Variants in ERAP1 observed in about 807,000 individuals in gnomAD.
ERAP1 encodes the protein adipocyte-derived leucine aminopeptidase.
Under a neutral mutation model 103.7 loss-of-function variants are expected in ERAP1, and 86 were observed. The ratio of observed to expected loss-of-function variants is 0.83; its 90% CI spans 0.70 to 0.99. The LOEUF (loss-of-function observed/expected upper bound fraction) is 0.99, where lower values mean the gene tolerates loss of function less well. Ranked by LOEUF, ERAP1 falls within the 50% of genes least tolerant of loss-of-function variation. The pLI is 0.00. For synonymous variants in ERAP1, 398 were observed against 402.4 expected (o/e 0.99, Z 0.13); for missense variants, 1,009 against 1,128.4 (o/e 0.89, Z 1.52).
chr5:96,864,526 A>T, the ERAP1 span, among the ~76,000 whole-genome samples: 1 of 152,202 alleles, frequency 6.6e-6, no homozygotes, highest in Admixed American at 6.5e-5. Context: ...AAAAAAAAAT[A>T]CACAGATATA....
At chr5:96,789,707 T>A (rs1437560012) in intron 10 of ERAP1, among the ~76,000 whole-genome samples, 2 of 152,204 alleles carry the variant, frequency 1.3e-5, no homozygotes, top group African/African-American at 4.8e-5. Context: ...TGTGACTTGA[T>A]GTTATGAATA....
At chr5:96,867,829 T>G in the ERAP1 span, among the ~76,000 whole-genome samples, 17 of 152,258 alleles carry the variant, frequency 1.1e-4, no homozygotes, top group African/African-American at 3.6e-4. Flanking sequence ...ATCCCATCAC[T>G]TTGGGAGGCT....
chr5:96,802,074 T>C (rs1244351552), intron 2 of ERAP1, among the ~76,000 whole-genome samples: 6 of 152,028 alleles, frequency 3.9e-5, no homozygotes, highest in African/African-American at 1.4e-4. Context: ...ATATACACTA[T>C]TGGTGAGGGG....
the ERAP1 span, among the ~76,000 whole-genome samples, chr5:96,850,985 C>T: frequency 6.6e-6 from 1 of 152,142 alleles, no homozygotes; most frequent in Non-Finnish European, 1.5e-5. Context: ...GACTTAATAA[C>T]AGAGGTTGGG....
In ERAP1 at chr5:96,780,482, T is replaced by C; in HGVS notation, c.2611A>G (p.Ile871Val). ...VQKFELGSSS[I>V]AHMVMGTTNQ... The stretch of plus-strand genomic sequence containing the variant: ...GTTGTACCCATTACCATGTGGGCTA[T>C]GGAAGATGAGCCAAGTTCAAACCTA... Residue 871 changes from isoleucine to valine, a missense_variant, in exon 18 of 19, where the codon ATA becomes GTA. Physicochemically the swap from Ile to Val is conservative, Grantham distance 29. Coordinates refer to ENST00000443439, the MANE Select transcript of ERAP1 (RefSeq NM_001040458.3). 1 of 1,613,682 alleles carries C rather than the reference T, an allele frequency of 6.2e-7. No individual in the cohort carries two copies. The highest frequency in any genetic ancestry group is 8.5e-7 in the Non-Finnish European group (1 of 1,179,696).
At chr5:96,853,898 G>A in the ERAP1 span, among the ~76,000 whole-genome samples, 4 of 149,112 alleles carry the variant, frequency 2.7e-5, no homozygotes, top group Non-Finnish European at 4.4e-5. Flanking sequence ...TTAGAAAAGT[G>A]AACAAAATAA....
Position 96,793,460 on chromosome 5 carries a change from TTCATTTAGCCAAAGA to T in ERAP1, c.1113_1127del (p.Asp371_Asn375del). The T allele has an allele frequency of 6.2e-7, 1 of 1,613,946 alleles. No homozygotes were observed. Among genetic ancestry groups the T allele is most frequent in the Admixed American group, 1.7e-5 (1 of 60,022 alleles). ...CAAACTCCATAAATTTGGCAAATCC[TTCATTTAGCCAAAGA>T]TCATTCCACCATTCCATAGTGACCA... On this transcript the variant is annotated inframe_deletion, in exon 7 of 19. Coordinates refer to ENST00000443439, the MANE Select transcript of ERAP1 (RefSeq NM_001040458.3).
At chr5:96,883,780 G>C in the ERAP1 span, 2 of 1,607,670 alleles carry the variant, frequency 1.2e-6, no homozygotes, top group African/African-American at 2.7e-5. Context: ...CTGGGGGTGG[G>C]TCTTTTCACA....
chr5:96,838,037 T>G, the ERAP1 span, among the ~76,000 whole-genome samples: 1 of 152,026 alleles, frequency 6.6e-6, no homozygotes, highest in African/African-American at 2.4e-5. Context: ...GCTTGGGGCT[T>G]TAATGGGCAC....
intron 3 of ERAP1, among the ~76,000 whole-genome samples, chr5:96,797,602 G>A (rs953634856): frequency 2.0e-5 from 3 of 152,126 alleles, no homozygotes; most frequent in Non-Finnish European, 4.4e-5. Flanking sequence ...GGAGGTGGAG[G>A]TTGCAGTGAG....
chr5:96,765,145 A>G (rs1769396117), intron 19 of ERAP1: 1 of 824,838 alleles, frequency 1.2e-6, no homozygotes, highest in East Asian at 2.5e-5. Context: ...TCCTGAAAAG[A>G]TGGAGTTCCT....
chr5:96,857,936 G>A, the ERAP1 span, among the ~76,000 whole-genome samples: 1 of 152,248 alleles, frequency 6.6e-6, no homozygotes, highest in East Asian at 1.9e-4. Context: ...AGGGTCAGAG[G>A]GAAAATACCA....
At chr5:96,923,454 GGAGGCCGAGGCGGGCAGATCAT>G in the ERAP1 span, among the ~76,000 whole-genome samples, 2 of 152,142 alleles carry the variant, frequency 1.3e-5, no homozygotes, top group African/African-American at 4.8e-5. Context: ...CAGCACTTTG[GGAGGCCGAGGCGGGCAGATCAT>G]GAGGTCAGGA....
the ERAP1 span, among the ~76,000 whole-genome samples, chr5:96,857,462 T>C: frequency 2.6e-5 from 4 of 151,914 alleles, no homozygotes; most frequent in African/African-American, 9.7e-5. Context: ...TTTTGTGTGA[T>C]GAAATACAAA....
chr5:96,903,082 C>A, the ERAP1 span, among the ~76,000 whole-genome samples: 1 of 152,282 alleles, frequency 6.6e-6, no homozygotes, highest in East Asian at 1.9e-4. Context: ...TCCCGTCATG[C>A]TAGTCATCTG....
At chr5:96,858,137 G>A in the ERAP1 span, among the ~76,000 whole-genome samples, 2 of 151,882 alleles carry the variant, frequency 1.3e-5, no homozygotes, top group African/African-American at 4.8e-5. Context: ...AGATAATTTT[G>A]TATCTGATTA....
upstream of ERAP1, among the ~76,000 whole-genome samples, chr5:96,808,440 G>T (rs1778944511): frequency 6.6e-6 from 1 of 151,920 alleles, no homozygotes; most frequent in Non-Finnish European, 1.5e-5. Flanking sequence ...CCGTCATCTC[G>T]CCACTGCCAG....
chr5:96,879,778 A>G, the ERAP1 span: 1 of 1,614,206 alleles, frequency 6.2e-7, no homozygotes, highest in Non-Finnish European at 8.5e-7. Flanking sequence ...TCTTGCCCCA[A>G]ATATGCATTT....
At chr5:96,764,637 G>T (rs1382085119) in intron 19 of ERAP1, among the ~76,000 whole-genome samples, 1 of 152,134 alleles carries the variant, frequency 6.6e-6, no homozygotes, top group Non-Finnish European at 1.5e-5. Context: ...TAGGATGGCA[G>T]TGCCGAGCTC....
Sources: gnomAD v4.1 joint callset for allele counts (sites outside exome capture counted in the v4.1 genomes callset) on GRCh38, gnomAD v4.1.1 for gene constraint, MANE v1.5 for transcripts, NCBI Gene and HGNC (gene_info 2026-07-23, HGNC 2026-07-21) for gene names.